The following SPTLC3 variants were observed in gnomAD, a reference collection of about 807,000 sequenced individuals.
The protein encoded by SPTLC3 is serine palmitoyltransferase long chain base subunit 3.
In SPTLC3, 36 loss-of-function variants were observed where a neutral mutation model predicts 59.3. That is an observed-to-expected ratio of 0.61 (90% CI 0.47 to 0.80). The LOEUF (loss-of-function observed/expected upper bound fraction) is 0.80, where lower values mean the gene tolerates loss of function less well. Among genes scored for constraint, SPTLC3 ranks in the 30% least tolerant of loss-of-function variants. The pLI is 0.00. For synonymous variants in SPTLC3, 257 were observed against 240.8 expected, an observed-to-expected ratio of 1.07 and a Z score of -0.62; for missense variants, 625 against 685.1, an observed-to-expected ratio of 0.91 and a Z score of 0.98.
At chr20:13,072,455 C>G (rs200203354) in intron 3 of SPTLC3, 45 bp downstream of exon 3, 10 of 1,494,108 alleles carry the variant, frequency 6.7e-6, no homozygotes, top group African/African-American at 2.9e-5. Flanking sequence ...AAAAACCTTT[C>G]AAGGAAATCC....
intron 1 of SPTLC3, among the ~76,000 whole-genome samples, chr20:13,010,716 C>G (rs1471633270): frequency 6.6e-6 from 1 of 152,226 alleles, no homozygotes; most frequent in East Asian, 1.9e-4. Context: ...CGATCCTTGC[C>G]TCTGGAATGC....
intron 1 of SPTLC3, among the ~76,000 whole-genome samples, chr20:13,017,386 C>T (rs1206394728): frequency 6.6e-6 from 1 of 152,136 alleles, no homozygotes; most frequent in East Asian, 1.9e-4. Flanking sequence ...CACTTAGCCC[C>T]AGTCAGAGCT....
intron 11 of SPTLC3, among the ~76,000 whole-genome samples, chr20:13,163,159 G>T (rs772049426): frequency 6.6e-6 from 1 of 152,042 alleles, no homozygotes; most frequent in Non-Finnish European, 1.5e-5. Flanking sequence ...CCTGAGGTCA[G>T]GAGTTCGAGA....
chr20:13,034,059 G>T (rs1986622733), intron 1 of SPTLC3, among the ~76,000 whole-genome samples: 1 of 152,172 alleles, frequency 6.6e-6, no homozygotes. Flanking sequence ...TACTGCTTAG[G>T]CAATAAATGG....
intron 1 of SPTLC3, among the ~76,000 whole-genome samples, chr20:13,019,407 T>C (rs1293777318): frequency 2.0e-5 from 3 of 152,172 alleles, no homozygotes; most frequent in Non-Finnish European, 4.4e-5. Context: ...AAGTCCTAAG[T>C]ACAGTGCTAT....
At chr20:13,126,339 C>T (rs2037989566) in intron 8 of SPTLC3, among the ~76,000 whole-genome samples, 1 of 152,170 alleles carries the variant, frequency 6.6e-6, no homozygotes, top group Non-Finnish European at 1.5e-5. Context: ...TCTGGTTTTG[C>T]CTTAAAGTTC....
intron 1 of SPTLC3, among the ~76,000 whole-genome samples, chr20:13,041,848 A>G (rs6041799): frequency 0.42 from 63,895 of 151,464 alleles, 13,574 homozygotes; most frequent in South Asian, 0.53. Context: ...TAAGGTTGCC[A>G]CTTAGAGAGT....
At chr20:13,113,100 T>C (rs989140791) in intron 7 of SPTLC3, among the ~76,000 whole-genome samples, 1 of 152,062 alleles carries the variant, frequency 6.6e-6, no homozygotes, top group African/African-American at 2.4e-5. Context: ...CAAGAATCAC[T>C]TGAACCTGGG....
rs75179576 is a variant in SPTLC3, at chr20:13,114,343, C to T, written c.933-3163C>T. ...AATCACATTTTCTAATTTCATGTCT[C>T]TGAGAAGTCTAGATCCCTTATCAAC... On this transcript the variant is annotated intron_variant, in intron 7 of 11. Transcript: ENST00000399002. 3.0e-3 allele frequency among the ~76,000 whole-genome samples: 455 copies of T among 152,310 alleles called. 7 individuals are homozygous for T. The highest frequency in any genetic ancestry group is 0.022 in the Admixed American group (336 of 15,302).
rs1985078901 is a variant in SPTLC3, at chr20:13,008,984, G to A, written c.-284G>A. ...CCCAGGTTCCCTCAGTCCCCAGAAG[G>A]AGCCAGCATGGACAATCTCCTTTAC... On this transcript the variant is annotated 5_prime_UTR_variant, in exon 1 of 12. Transcript: ENST00000399002. 2 of 276,836 alleles carry A rather than the reference G, an allele frequency of 7.2e-6. No homozygotes were observed. Among genetic ancestry groups the A allele is most frequent in the Non-Finnish European group, 1.4e-5 (2 of 145,018 alleles). 17.1% of individuals were successfully genotyped at this position (276,836 alleles called of 1,614,324 possible).
At chr20:13,016,091 G>A (rs895255057) in intron 1 of SPTLC3, among the ~76,000 whole-genome samples, 1 of 151,632 alleles carries the variant, frequency 6.6e-6, no homozygotes, top group Non-Finnish European at 1.5e-5. Context: ...AATACAAAAA[G>A]AGGCCAAACA....
chr20:13,121,746 A>AT (rs1285118305), intron 8 of SPTLC3, among the ~76,000 whole-genome samples: 3 of 152,140 alleles, frequency 2.0e-5, no homozygotes, highest in Non-Finnish European at 4.4e-5. Flanking sequence ...AAAGAGCTCC[A>AT]TTTTTTGAAA....
At chr20:13,034,888 G>C (rs563190928) in intron 1 of SPTLC3, among the ~76,000 whole-genome samples, 2 of 152,226 alleles carry the variant, frequency 1.3e-5, no homozygotes, top group South Asian at 4.1e-4. Flanking sequence ...CAAATAAAGA[G>C]ACCACCCAGG....
chr20:13,025,717 G>A (rs1986108675), intron 1 of SPTLC3, among the ~76,000 whole-genome samples: 1 of 152,142 alleles, frequency 6.6e-6, no homozygotes, highest in Non-Finnish European at 1.5e-5. Context: ...TGGTTGACCT[G>A]CAGAAACCTT....
chr20:13,118,183 G>T (rs1012178193), intron 8 of SPTLC3, among the ~76,000 whole-genome samples: 1 of 152,044 alleles, frequency 6.6e-6, no homozygotes, highest in Admixed American at 6.6e-5. Context: ...GCAACAGTAG[G>T]CAATGTTAGT....
At chr20:13,076,084 T>C (rs1032729911) in intron 4 of SPTLC3, among the ~76,000 whole-genome samples, 7 of 152,228 alleles carry the variant, frequency 4.6e-5, no homozygotes, top group Non-Finnish European at 8.8e-5. Context: ...TAGCTCTCCA[T>C]GTCAAGTTCT....
Position 13,074,357 on chromosome 20 carries a change from G to A in SPTLC3, c.467G>A (p.Gly156Glu). 1 of 1,613,936 alleles carries A rather than the reference G, an allele frequency of 6.2e-7. No homozygotes were observed. The highest frequency in any genetic ancestry group is 2.2e-5 in the East Asian group (1 of 44,836). ...TACATGTTTCCCCACAGGTTTACTG[G>A]AAGAGTCATCAAAGATGTCATCAAC... ...DDYNWTFRFTGRVIKDVINMG... is the reference protein window; with the variant it reads ...DDYNWTFRFTERVIKDVINMG... Residue 156 changes from glycine (G) to glutamate (E), a missense_variant, in exon 4 of 12, where the codon GGA becomes GAA. Physicochemically the swap from Gly to Glu is moderately conservative, Grantham distance 98. Coordinates refer to ENST00000399002, the MANE Select transcript of SPTLC3 (RefSeq NM_018327.4).
chr20:13,038,886 T>C (rs868735679), intron 1 of SPTLC3, among the ~76,000 whole-genome samples: 6 of 152,228 alleles, frequency 3.9e-5, no homozygotes, highest in Middle Eastern at 3.4e-3. Flanking sequence ...TCACTTGATG[T>C]CTTCTTTGAC....
intron 8 of SPTLC3, among the ~76,000 whole-genome samples, chr20:13,122,337 C>G (rs1393776878): frequency 6.6e-6 from 1 of 152,192 alleles, no homozygotes; most frequent in Non-Finnish European, 1.5e-5. Flanking sequence ...ATGAGTAGAT[C>G]AGGAACTCCC....
Sources: gnomAD v4.1 joint callset for allele counts (sites outside exome capture counted in the v4.1 genomes callset) on GRCh38, gnomAD v4.1.1 for gene constraint, MANE v1.5 for transcripts, NCBI Gene and HGNC (gene_info 2026-07-23, HGNC 2026-07-21) for gene names.